RSPH14: variants seen among roughly 807,000 people sequenced by gnomAD.
The protein encoded by RSPH14 is rhabdoid tumor deletion region gene 1.
A neutral mutation model predicts 26.7 loss-of-function variants in RSPH14; 20 were observed. The observed-to-expected ratio is 0.75, with a 90% confidence interval of 0.53 to 1.09. The LOEUF (loss-of-function observed/expected upper bound fraction) is 1.09, where lower values mean the gene tolerates loss of function less well. Among genes scored for constraint, RSPH14 ranks in the 50% least tolerant of loss-of-function variants. The probability of loss-of-function intolerance (pLI) is 0.00; values close to 1 mark genes in which losing one functional copy is unlikely to be tolerated. For synonymous variants in RSPH14, 177 were observed against 189.3 expected (o/e 0.93, Z 0.53); for missense variants, 449 against 457.2 (o/e 0.98, Z 0.16).
chr22:23,152,996 G>A, the RSPH14 span: 1 of 1,458,902 alleles, frequency 6.9e-7, no homozygotes. Context: ...ACATTTCTGT[G>A]AGTACACCCC....
the RSPH14 span, among the ~76,000 whole-genome samples, chr22:23,171,651 T>C: frequency 6.6e-6 from 1 of 152,068 alleles, no homozygotes; most frequent in Non-Finnish European, 1.5e-5. Context: ...GAGACCAGCC[T>C]GATCAACATG....
At chr22:23,070,240 G>A (rs1569156528) in intron 4 of RSPH14, 3 of 149,920 alleles carry the variant, frequency 2.0e-5, no homozygotes, top group Non-Finnish European at 4.5e-5. Context: ...GGCGCGTGGT[G>A]CCCGGCGGGC....
At chr22:23,122,763 C>G (rs1452390571) in intron 4 of RSPH14, 4 of 348,968 alleles carry the variant, frequency 1.1e-5, no homozygotes, top group Admixed American at 4.2e-5. Flanking sequence ...CTGGAGGTGC[C>G]CAGCGGTTTA....
chr22:23,145,664 TA>T (rs890566033), upstream of RSPH14: 4 of 1,249,532 alleles, frequency 3.2e-6, no homozygotes, highest in Non-Finnish European at 3.3e-6. Context: ...CCCGCCCCTA[TA>T]ACTTGAAAGC....
At chr22:23,143,200 A>G (rs1287308451), upstream of RSPH14, among the ~76,000 whole-genome samples, 1 of 151,872 alleles carries the variant, frequency 6.6e-6, no homozygotes, top group Non-Finnish European at 1.5e-5. Flanking sequence ...CTGAAGGGGG[A>G]GGGTTGCTTG....
At chr22:23,081,056 A>G (rs185054183) in intron 4 of RSPH14, among the ~76,000 whole-genome samples, 88 of 152,304 alleles carry the variant, frequency 5.8e-4, no homozygotes, top group African/African-American at 1.9e-3. Flanking sequence ...ATACTGTGTA[A>G]ACTGGTGGGC....
the RSPH14 span, chr22:23,157,950 C>T: frequency 8.1e-6 from 13 of 1,613,030 alleles, no homozygotes; most frequent in East Asian, 6.7e-5. Context: ...TTGCTCGCCT[C>T]GCCTGGCACT....
intron 4 of RSPH14, among the ~76,000 whole-genome samples, chr22:23,083,407 G>A (rs2068732206): frequency 6.6e-6 from 1 of 152,168 alleles, no homozygotes; most frequent in Admixed American, 6.5e-5. Context: ...CCCTTTGCAG[G>A]CTGCTGGGAA....
intron 4 of RSPH14, among the ~76,000 whole-genome samples, chr22:23,066,412 A>G (rs931813843): frequency 8.5e-5 from 13 of 152,282 alleles, no homozygotes; most frequent in South Asian, 6.2e-4. Flanking sequence ...TGAATACCTA[A>G]GGTCACACAG....
At chr22:23,106,401 T>G (rs1405403948) in intron 4 of RSPH14, among the ~76,000 whole-genome samples, 2 of 152,216 alleles carry the variant, frequency 1.3e-5, no homozygotes, top group African/African-American at 4.8e-5. Context: ...GAAGCCCAGC[T>G]GAGGCATGAG....
the RSPH14 span, among the ~76,000 whole-genome samples, chr22:23,177,347 C>T: frequency 6.6e-6 from 1 of 152,156 alleles, no homozygotes; most frequent in Admixed American, 6.5e-5. Context: ...ACACAGGCAT[C>T]GCTCTCGGTG....
At chr22:23,161,395 C>T in the RSPH14 span, 2 of 1,062,928 alleles carry the variant, frequency 1.9e-6, no homozygotes, top group Non-Finnish European at 2.8e-6. Flanking sequence ...ACAGCAGGCC[C>T]AGAAGCTTCA....
At chr22:23,143,559 T>A (rs959206838), upstream of RSPH14, among the ~76,000 whole-genome samples, 7 of 152,118 alleles carry the variant, frequency 4.6e-5, no homozygotes, top group African/African-American at 1.4e-4. Context: ...TCCTAGTGAA[T>A]CCCCTAGAAT....
chr22:23,063,232 T>C (rs1289810407), intron 5 of RSPH14, among the ~76,000 whole-genome samples: 1 of 152,084 alleles, frequency 6.6e-6, no homozygotes, highest in Non-Finnish European at 1.5e-5. Context: ...CTTGCAGAAA[T>C]ACTGGCCTGA....
chr22:23,112,302 C>T (rs536586220), intron 4 of RSPH14, among the ~76,000 whole-genome samples: 9 of 152,356 alleles, frequency 5.9e-5, no homozygotes, highest in Middle Eastern at 3.4e-3. Flanking sequence ...AGGCATCCTT[C>T]GGCCCCGCCC....
chr22:23,124,441 C>A (rs1007652228), intron 4 of RSPH14: 1 of 469,074 alleles, frequency 2.1e-6, no homozygotes, highest in African/African-American at 2.0e-5. Flanking sequence ...GCCAGCCTCG[C>A]GGGACACGTG....
chr22:23,115,807 A>G (rs982958039), intron 4 of RSPH14, among the ~76,000 whole-genome samples: 4 of 152,252 alleles, frequency 2.6e-5, no homozygotes, highest in Non-Finnish European at 5.9e-5. Context: ...AGCACAGTAC[A>G]TGATTGCTCA....
At chr22:23,063,123 A>G (rs2068127791) in intron 5 of RSPH14, among the ~76,000 whole-genome samples, 1 of 152,110 alleles carries the variant, frequency 6.6e-6, no homozygotes, top group African/African-American at 2.4e-5. Flanking sequence ...GTCCCACAGA[A>G]AGGGGACCTC....
At chr22:23,178,136 G>C in the RSPH14 span, among the ~76,000 whole-genome samples, 1 of 152,124 alleles carries the variant, frequency 6.6e-6, no homozygotes, top group Admixed American at 6.5e-5. Flanking sequence ...GCCATTGAGG[G>C]CTGGGTGCAG....
Sources: gnomAD v4.1 joint callset for allele counts (sites outside exome capture counted in the v4.1 genomes callset) on GRCh38, gnomAD v4.1.1 for gene constraint, MANE v1.5 for transcripts, NCBI Gene and HGNC (gene_info 2026-07-23, HGNC 2026-07-21) for gene names.